Variants in CLCN3 observed in about 807,000 individuals in gnomAD.
The protein encoded by CLCN3 is Cl-/H+ antiporter 3, also known as H(+)/Cl(-) exchange transporter 3.
CLCN3 carries 16 observed loss-of-function variants against 83.4 expected under a neutral mutation model. The observed-to-expected ratio is 0.19, with a 90% CI of 0.13 to 0.29. CLCN3 has a LOEUF of 0.29. CLCN3 is among the 10% of genes least tolerant of loss of function. CLCN3 has a pLI of 1.00. For synonymous variants in CLCN3, 322 were observed against 346.2 expected (o/e 0.93, Z 0.78); for missense variants, 544 against 1,006.0 (o/e 0.54, Z 6.21).
chr4:169,717,887 C>G (rs764689148), intron 12 of CLCN3: 22 of 1,542,282 alleles, frequency 1.4e-5, no homozygotes, highest in Non-Finnish European at 1.9e-5. Context: ...TATATCAGAT[C>G]TCCTCATTAG....
In CLCN3 at chr4:169,689,092, A is replaced by C. The variant is rs1732269300; in HGVS notation, c.468A>C (p.Leu156=). ...TTGCTGCCGATTGGATGACTGACCTAAAGGAGGGCATTTGCCTTAGTGCGT... is the reference window on the plus strand; with the variant it reads ...TTGCTGCCGATTGGATGACTGACCTCAAGGAGGGCATTTGCCTTAGTGCGT... ...IDIAADWMTD[L]KEGICLSALW... The change falls in exon 5 of 13, where the codon CTA becomes CTC. Residue 156 remains leucine, a synonymous_variant. Coordinates refer to ENST00000513761, the MANE Select transcript of CLCN3 (RefSeq NM_001829.4). 6.2e-7 allele frequency: 1 copy of C among 1,613,544 alleles called. No homozygotes were observed.
chr4:169,689,979 T>G (rs536807560), intron 5 of CLCN3, among the ~76,000 whole-genome samples: 148 of 152,238 alleles, frequency 9.7e-4, no homozygotes, highest in Non-Finnish European at 2.0e-3. Flanking sequence ...AACAAGACTT[T>G]AGGGATTAGG....
In CLCN3 at chr4:169,689,119, G is replaced by A; in HGVS notation, c.495G>A (p.Leu165=). Residue 165 remains leucine (L), a synonymous_variant, in exon 5 of 13, where the codon TTG becomes TTA. Coordinates refer to ENST00000513761, the MANE Select transcript of CLCN3 (RefSeq NM_001829.4). ...AGGAGGGCATTTGCCTTAGTGCGTT[G>A]TGGTACAACCACGAACAGTGCTGTT... The part of the protein sequence containing the change: ...DLKEGICLSA[L]WYNHEQCCWG... 1.2e-6 allele frequency: 2 copies of A among 1,613,838 alleles called. No homozygotes were observed. Among genetic ancestry groups the A allele is most frequent in the Non-Finnish European group, 1.7e-6 (2 of 1,179,870 alleles).
intron 1 of CLCN3, among the ~76,000 whole-genome samples, chr4:169,635,615 G>A (rs893275896): frequency 8.6e-5 from 13 of 151,952 alleles, no homozygotes; most frequent in African/African-American, 2.7e-4. Flanking sequence ...AACTTACTTG[G>A]AACTCTCTCC....
intron 2 of CLCN3, among the ~76,000 whole-genome samples, chr4:169,649,004 G>A (rs1421437965): frequency 6.8e-6 from 1 of 145,994 alleles, no homozygotes; most frequent in Non-Finnish European, 1.5e-5. Context: ...TCCAGCCTGG[G>A]TGATAAAGGG....
chr4:169,716,400 C>CTGT (rs1733423890), intron 12 of CLCN3, among the ~76,000 whole-genome samples: 1 of 151,966 alleles, frequency 6.6e-6, no homozygotes, highest in Non-Finnish European at 1.5e-5. Flanking sequence ...ATTAATCATT[C>CTGT]TGTATAATTG....
chr4:169,630,702 TG>T (rs1207422220), intron 1 of CLCN3, among the ~76,000 whole-genome samples: 10 of 152,226 alleles, frequency 6.6e-5, no homozygotes, highest in African/African-American at 2.4e-4. Context: ...GGCTAATTTT[TG>T]TATTTTTTTA....
intron 3 of CLCN3, among the ~76,000 whole-genome samples, chr4:169,682,286 T>TA (rs1407602837): frequency 6.6e-6 from 1 of 152,212 alleles, no homozygotes; most frequent in Non-Finnish European, 1.5e-5. Flanking sequence ...GAAAAGACTC[T>TA]AAGTATTGGG....
intron 7 of CLCN3, among the ~76,000 whole-genome samples, chr4:169,693,985 A>G (rs1732471241): frequency 6.6e-6 from 1 of 152,180 alleles, no homozygotes; most frequent in Non-Finnish European, 1.5e-5. Flanking sequence ...CTTCTTAGAT[A>G]CGTATGAAAT....
chr4:169,666,795 G>A (rs1581224526), intron 2 of CLCN3, among the ~76,000 whole-genome samples: 1 of 152,188 alleles, frequency 6.6e-6, no homozygotes, highest in East Asian at 1.9e-4. Flanking sequence ...CCTTGGGCCT[G>A]TTTAACTCTT....
At chr4:169,627,499 A>G (rs1411341131) in intron 1 of CLCN3, among the ~76,000 whole-genome samples, 1 of 152,210 alleles carries the variant, frequency 6.6e-6, no homozygotes, top group South Asian at 2.1e-4. Flanking sequence ...CCTTAGGAAC[A>G]GAAACCATAT....
Position 169,723,219 on chromosome 4 carries a change from G to A in CLCN3, c.*3222G>A, listed in dbSNP as rs1733693880. On this transcript the variant is annotated 3_prime_UTR_variant, in exon 13 of 13. Coordinates refer to ENST00000513761, the MANE Select transcript of CLCN3 (RefSeq NM_001829.4). ...TTGGCCTTTAATTATATCTGTAACA[G>A]TCCTCCCTCTTCACTGCTGCCCTAC... is the stretch of plus-strand genomic sequence containing the variant. 6.6e-6 allele frequency: 1 copy of A among 152,116 alleles called. No homozygotes were observed. Among genetic ancestry groups the A allele is most frequent in the African/African-American group, 2.4e-5 (1 of 41,404 alleles). 9.4% of individuals were successfully genotyped at this position (152,116 alleles called of 1,614,324 possible). A position where few individuals can be genotyped will look rare whatever the true frequency, so the allele number is the denominator to read the frequency against.
intron 1 of CLCN3, among the ~76,000 whole-genome samples, chr4:169,632,511 C>T (rs903874007): frequency 2.6e-5 from 4 of 151,810 alleles, no homozygotes; most frequent in Non-Finnish European, 5.9e-5. Context: ...GGGCGGATCA[C>T]GAGGTCAGGA....
At chr4:169,652,274 T>C (rs1349751396) in intron 2 of CLCN3, among the ~76,000 whole-genome samples, 1 of 152,164 alleles carries the variant, frequency 6.6e-6, no homozygotes, top group African/African-American at 2.4e-5. Context: ...GGTTTGCTCA[T>C]CTAGGTATGC....
Position 169,680,337 on chromosome 4 carries a change from G to A in CLCN3, c.318+130G>A. 7.7e-6 allele frequency: 5 copies of A among 652,836 alleles called. No homozygotes were observed. The South Asian group carries it at 1.2e-4, about 16-fold the overall frequency. The allele number at this position is 652,836 out of a possible 1,614,324, so 40.4% of individuals were successfully genotyped here. A position where few individuals can be genotyped will look rare whatever the true frequency, so the allele number is the denominator to read the frequency against. Reference sequence around the variant, plus strand: ...ATAAGTAAATGTCTACATTTCATATGTGGTACATGTTTTTTTCTTTTTCTA... The same window carrying A: ...ATAAGTAAATGTCTACATTTCATATATGGTACATGTTTTTTTCTTTTTCTA... On this transcript the variant is annotated intron_variant, in intron 3 of 12. Coordinates refer to ENST00000513761, the MANE Select transcript of CLCN3 (RefSeq NM_001829.4).
At chr4:169,671,070 C>T (rs954270882) in intron 2 of CLCN3, among the ~76,000 whole-genome samples, 10 of 152,106 alleles carry the variant, frequency 6.6e-5, no homozygotes, top group African/African-American at 2.4e-4. Context: ...CCAGAAATAC[C>T]ATTTGACCCA....
chr4:169,639,431 C>T (rs938176589), intron 2 of CLCN3, among the ~76,000 whole-genome samples: 10 of 151,996 alleles, frequency 6.6e-5, no homozygotes, highest in Admixed American at 3.3e-4. Flanking sequence ...GTTTTAAATT[C>T]GGTGGTACAG....
intron 7 of CLCN3, among the ~76,000 whole-genome samples, chr4:169,695,099 T>C (rs929687267): frequency 6.6e-6 from 1 of 152,108 alleles, no homozygotes; most frequent in Non-Finnish European, 1.5e-5. Context: ...GCTCTCTAGA[T>C]TGATAGTATT....
At chr4:169,684,390 T>G (rs2150243449) in intron 3 of CLCN3, among the ~76,000 whole-genome samples, 1 of 152,320 alleles carries the variant, frequency 6.6e-6, no homozygotes, top group East Asian at 1.9e-4. Context: ...CTTGTTTGGT[T>G]GTTTTTTTCT....
Sources: gnomAD v4.1 joint callset for allele counts (sites outside exome capture counted in the v4.1 genomes callset) on GRCh38, gnomAD v4.1.1 for gene constraint, MANE v1.5 for transcripts, NCBI Gene and HGNC (gene_info 2026-07-23, HGNC 2026-07-21) for gene names.